Variants in MFHAS1 observed in about 807,000 individuals in gnomAD.
MFHAS1 encodes the protein multifunctional ROCO family signaling regulator 1.
Under a neutral mutation model 70.4 loss-of-function variants are expected in MFHAS1, and 50 were observed. That is an observed-to-expected ratio of 0.71 (90% confidence interval 0.57 to 0.90). The LOEUF (loss-of-function observed/expected upper bound fraction) is 0.90, where lower values mean the gene tolerates loss of function less well. Among genes scored for constraint, MFHAS1 ranks in the 40% least tolerant of loss-of-function variants. The probability of loss-of-function intolerance (pLI) is 0.00; values close to 1 mark genes in which losing one functional copy is unlikely to be tolerated. For missense variants in MFHAS1, 1,795 were observed against 1,347.6 expected, an observed-to-expected ratio of 1.33 and a Z score of -5.20; for synonymous variants, 952 against 620.0, an observed-to-expected ratio of 1.54 and a Z score of -7.96.
intron 1 of MFHAS1, among the ~76,000 whole-genome samples, chr8:8,832,110 A>G (rs75098359): frequency 0.036 from 5,411 of 150,768 alleles, 158 homozygotes; most frequent in East Asian, 0.11. Context: ...AACTTGAAAT[A>G]GATCCTAGAC....
chr8:8,890,347 G>A lies in MFHAS1; in HGVS notation c.2712C>T (p.Ser904=), dbSNP rs763133278. 12 of 1,614,194 alleles carry A rather than the reference G, an allele frequency of 7.4e-6. No individual in the cohort carries two copies. Among genetic ancestry groups the A allele is most frequent in the African/African-American group, 1.3e-5 (1 of 75,058 alleles). Residue 904 remains serine, a synonymous_variant, in exon 1 of 3, where the codon AGC becomes AGT. Coordinates refer to ENST00000276282, the MANE Select transcript of MFHAS1 (RefSeq NM_004225.3). The part of the protein sequence containing the change: ...LFARYSVQIN[S]HVVHRSDGKF... ...TACCATCCGACCTGTGCACCACATGGCTGTTGATCTGGACACTGTAGCGTG... is the reference window on the plus strand; with the variant it reads ...TACCATCCGACCTGTGCACCACATGACTGTTGATCTGGACACTGTAGCGTG...
At chr8:8,873,277 G>A (rs1039213375) in intron 1 of MFHAS1, among the ~76,000 whole-genome samples, 2 of 152,136 alleles carry the variant, frequency 1.3e-5, no homozygotes, top group African/African-American at 4.8e-5. Flanking sequence ...AATGTGACCA[G>A]CTCTGTTCGG....
At chr8:8,808,717 A>T (rs534417176) in intron 1 of MFHAS1, among the ~76,000 whole-genome samples, 32 of 152,334 alleles carry the variant, frequency 2.1e-4, no homozygotes, top group African/African-American at 7.5e-4. Context: ...TAAGATGAAA[A>T]AGACATTACA....
intron 2 of MFHAS1, among the ~76,000 whole-genome samples, chr8:8,796,097 A>T (rs1367691072): frequency 1.3e-5 from 2 of 152,186 alleles, no homozygotes; most frequent in Non-Finnish European, 2.9e-5. Context: ...AAACAAAACA[A>T]AACGAAAAAC....
Position 8,784,993 on chromosome 8 carries a change from C to T in MFHAS1, c.*1029G>A, listed in dbSNP as rs1422749073. 1.3e-5 allele frequency: 2 copies of T among 152,134 alleles called. No homozygotes were observed. The highest frequency in any genetic ancestry group is 2.9e-5 in the Non-Finnish European group (2 of 68,022). 9.4% of individuals were successfully genotyped at this position (152,134 alleles called of 1,614,324 possible). On this transcript the variant is annotated 3_prime_UTR_variant, in exon 3 of 3. Transcript: ENST00000276282. ...ATGTAACTGGAGCCTAAATTCACAA[C>T]CTTAAGATCTGACAGCCAGATGTGG...
chr8:8,798,339 T>C (rs1007515957), intron 1 of MFHAS1, among the ~76,000 whole-genome samples: 1 of 152,172 alleles, frequency 6.6e-6, no homozygotes, highest in African/African-American at 2.4e-5. Flanking sequence ...TTTGTTGTTG[T>C]TTTGGAGACA....
chr8:8,837,010 A>G (rs1206175278), intron 1 of MFHAS1, among the ~76,000 whole-genome samples: 1 of 152,222 alleles, frequency 6.6e-6, no homozygotes, highest in African/African-American at 2.4e-5. Context: ...GATTTTAAGC[A>G]TTTTTGTACA....
rs556724047 is a variant in MFHAS1, at chr8:8,816,383, T to C, written c.2999-18892A>G. On this transcript the variant is annotated intron_variant, in intron 1 of 2. Coordinates refer to ENST00000276282, the MANE Select transcript of MFHAS1 (RefSeq NM_004225.3). ...CTAAACTATCACCAAGAAATATCAATTGGGGTTATGGCATGACCATCCTCC... is the reference window on the plus strand; with the variant it reads ...CTAAACTATCACCAAGAAATATCAACTGGGGTTATGGCATGACCATCCTCC... Among the ~76,000 whole-genome samples the C allele has an allele frequency of 7.2e-5, 11 of 152,332 alleles. No individual in the cohort carries two copies. In the South Asian group the frequency reaches 2.1e-3, roughly 29 times the overall value.
At chr8:8,796,100 C>T (rs1008184504) in intron 2 of MFHAS1, among the ~76,000 whole-genome samples, 3 of 152,086 alleles carry the variant, frequency 2.0e-5, no homozygotes, top group Non-Finnish European at 4.4e-5. Context: ...CAAAACAAAA[C>T]GAAAAACACA....
intron 1 of MFHAS1, among the ~76,000 whole-genome samples, chr8:8,835,273 T>C (rs950545415): frequency 2.0e-5 from 3 of 152,230 alleles, no homozygotes; most frequent in African/African-American, 7.2e-5. Context: ...GGTGCATTTT[T>C]ACTGTATATA....
At chr8:8,851,524 G>A (rs752204105) in intron 1 of MFHAS1, among the ~76,000 whole-genome samples, 3 of 152,122 alleles carry the variant, frequency 2.0e-5, no homozygotes, top group Non-Finnish European at 4.4e-5. Context: ...AGTTTGCTTG[G>A]CAGCTTAATT....
At chr8:8,859,755 A>T (rs1009032243) in intron 1 of MFHAS1, among the ~76,000 whole-genome samples, 6 of 152,228 alleles carry the variant, frequency 3.9e-5, no homozygotes, top group African/African-American at 1.4e-4. Context: ...TGTGCTATTG[A>T]CTGTTAATGC....
At chr8:8,847,486 ATATCT>A (rs1320805780) in intron 1 of MFHAS1, among the ~76,000 whole-genome samples, 2 of 152,198 alleles carry the variant, frequency 1.3e-5, no homozygotes, top group East Asian at 1.9e-4. Flanking sequence ...CCGGCCAGAA[ATATCT>A]TAAGAAACAA....
intron 1 of MFHAS1, among the ~76,000 whole-genome samples, chr8:8,851,032 G>C (rs954856812): frequency 6.6e-6 from 1 of 152,014 alleles, no homozygotes; most frequent in Non-Finnish European, 1.5e-5. Flanking sequence ...GAATCTCCTC[G>C]ACTTTATCAC....
intron 1 of MFHAS1, among the ~76,000 whole-genome samples, chr8:8,849,500 T>C (rs1465178003): frequency 6.6e-6 from 1 of 152,216 alleles, no homozygotes; most frequent in Non-Finnish European, 1.5e-5. Context: ...CTTACACGTG[T>C]GTGTATTCTG....
chr8:8,841,445 G>A (rs1292885899), intron 1 of MFHAS1, among the ~76,000 whole-genome samples: 1 of 151,336 alleles, frequency 6.6e-6, no homozygotes, highest in African/African-American at 2.4e-5. Flanking sequence ...TACAGCCTGG[G>A]CGACAGATCA....
At chr8:8,866,519 T>C (rs1229500247) in intron 1 of MFHAS1, among the ~76,000 whole-genome samples, 1 of 152,060 alleles carries the variant, frequency 6.6e-6, no homozygotes, top group African/African-American at 2.4e-5. Flanking sequence ...GGTTTTGCCA[T>C]GTTGCCCAGG....
chr8:8,849,913 CAGAA>C (rs1472263753), intron 1 of MFHAS1, among the ~76,000 whole-genome samples: 6 of 152,220 alleles, frequency 3.9e-5, no homozygotes, highest in South Asian at 2.1e-4. Context: ...TATTCTGAGA[CAGAA>C]AGCAACCAGG....
chr8:8,795,700 G>A (rs987508282), intron 2 of MFHAS1, among the ~76,000 whole-genome samples: 3 of 152,162 alleles, frequency 2.0e-5, no homozygotes, highest in Admixed American at 6.5e-5. Flanking sequence ...GGGAACCCTC[G>A]CTTTGCAGGG....
Sources: allele counts gnomAD v4.1 joint callset (sites outside exome capture counted in the v4.1 genomes callset), GRCh38; gene constraint gnomAD v4.1.1; transcripts MANE v1.5; gene names NCBI Gene and HGNC (gene_info 2026-07-23, HGNC 2026-07-21).